SLC14A2: variants seen among roughly 807,000 people sequenced by gnomAD.
The protein encoded by SLC14A2 is urea transporter 2.
A neutral mutation model predicts 104.6 loss-of-function variants in SLC14A2; 91 were observed. That is an observed-to-expected ratio of 0.87 (90% confidence interval 0.73 to 1.04). The LOEUF (loss-of-function observed/expected upper bound fraction) is 1.04. Ranked by LOEUF, SLC14A2 falls within the 50% of genes least tolerant of loss-of-function variation. The pLI is 0.00. For missense variants in SLC14A2, 1,189 were observed against 1,156.0 expected (o/e 1.03, Z -0.41); for synonymous variants, 476 against 466.4 (o/e 1.02, Z -0.27).
At chr18:45,245,252 T>C (rs2084357485) in intron 1 of SLC14A2, among the ~76,000 whole-genome samples, 1 of 152,196 alleles carries the variant, frequency 6.6e-6, no homozygotes, top group Non-Finnish European at 1.5e-5. Flanking sequence ...AGCCCTTGAA[T>C]CATTTTATAA....
intron 1 of SLC14A2, among the ~76,000 whole-genome samples, chr18:45,391,720 T>C (rs1422792581): frequency 2.0e-5 from 3 of 152,242 alleles, no homozygotes; most frequent in Non-Finnish European, 2.9e-5. Flanking sequence ...TGTATAAATG[T>C]CTTCTTTTGA....
intron 19 of SLC14A2, 73 bp downstream of exon 19, chr18:45,679,097 G>A (rs1044216159): frequency 6.5e-6 from 9 of 1,394,246 alleles, no homozygotes; most frequent in Non-Finnish European, 7.1e-6. Context: ...CAAACCTGCT[G>A]AAAACCTCTC....
At chr18:45,413,994 T>C (rs1427119603) in intron 1 of SLC14A2, among the ~76,000 whole-genome samples, 1 of 152,114 alleles carries the variant, frequency 6.6e-6, no homozygotes, top group Non-Finnish European at 1.5e-5. Flanking sequence ...ATTTGAAGAA[T>C]GAGACCTGTG....
At chr18:45,342,079 G>A (rs1188705877) in intron 1 of SLC14A2, among the ~76,000 whole-genome samples, 3 of 152,016 alleles carry the variant, frequency 2.0e-5, no homozygotes, top group Non-Finnish European at 4.4e-5. Flanking sequence ...TGTATTGATT[G>A]GTTGATAAAA....
At chr18:45,210,512 G>C (rs912306680), upstream of SLC14A2, among the ~76,000 whole-genome samples, 1 of 152,186 alleles carries the variant, frequency 6.6e-6, no homozygotes, top group African/African-American at 2.4e-5. Flanking sequence ...CCAGGAGTTC[G>C]AGGCTGCAGT....
intron 1 of SLC14A2, among the ~76,000 whole-genome samples, chr18:45,392,888 CA>C (rs1169528031): frequency 6.6e-6 from 1 of 152,102 alleles, no homozygotes; most frequent in Non-Finnish European, 1.5e-5. Context: ...ATTCTTTCTA[CA>C]AAAAAATAAT....
chr18:45,192,315 G>T, the SLC14A2 span, among the ~76,000 whole-genome samples: 1 of 152,178 alleles, frequency 6.6e-6, no homozygotes, highest in East Asian at 1.9e-4. Context: ...AATTTGATAT[G>T]TTTTGACATA....
chr18:45,405,247 G>A (rs2086140908), intron 1 of SLC14A2, among the ~76,000 whole-genome samples: 1 of 152,178 alleles, frequency 6.6e-6, no homozygotes, highest in African/African-American at 2.4e-5. Flanking sequence ...CATCTTTGGA[G>A]TTCTGATATC....
In SLC14A2 at chr18:45,682,565, G is replaced by T. The variant is rs377315749; in HGVS notation, c.*46G>T. The T allele has an allele frequency of 6.6e-7, 1 of 1,518,078 alleles. No individual in the cohort carries two copies. The highest frequency in any genetic ancestry group is 1.7e-5 in the Admixed American group (1 of 59,908). The allele number at this position is 1,518,078 out of a possible 1,614,324, so 94.0% of individuals were successfully genotyped here. ...TCAGTGTAAATTCAGGCTTCAGCAC[G>T]CCGTCCAGATCCCCAGGATAAGAGA... On this transcript the variant is annotated 3_prime_UTR_variant, in exon 20 of 20. Coordinates refer to ENST00000255226, the MANE Select transcript of SLC14A2 (RefSeq NM_007163.4).
At chr18:45,564,523 A>G (rs2044241688) in intron 2 of SLC14A2, among the ~76,000 whole-genome samples, 1 of 152,134 alleles carries the variant, frequency 6.6e-6, no homozygotes, top group Admixed American at 6.5e-5. Context: ...AAAACTACAC[A>G]AACACCTCGC....
chr18:45,500,576 CAAAAAAAAAA>C (rs34543837), intron 2 of SLC14A2, among the ~76,000 whole-genome samples: 5 of 93,882 alleles, frequency 5.3e-5, no homozygotes, highest in South Asian at 3.7e-4. Context: ...GACTCCGTCT[CAAAAAAAAAA>C]AAAAAAAAAA....
chr18:45,209,121 G>C (rs571869525), upstream of SLC14A2, among the ~76,000 whole-genome samples: 2 of 149,190 alleles, frequency 1.3e-5, no homozygotes, highest in South Asian at 4.3e-4. Context: ...CGGATCATGA[G>C]GTCAGTAGAT....
intron 1 of SLC14A2, among the ~76,000 whole-genome samples, chr18:45,414,582 T>A (rs1402576247): frequency 2.0e-5 from 3 of 150,844 alleles, no homozygotes; most frequent in Non-Finnish European, 2.9e-5. Context: ...ATTCTGCACA[T>A]GTAATCCAGA....
At chr18:45,280,754 G>A (rs1005907333) in intron 1 of SLC14A2, among the ~76,000 whole-genome samples, 1 of 152,174 alleles carries the variant, frequency 6.6e-6, no homozygotes, top group African/African-American at 2.4e-5. Flanking sequence ...GTGCTGAGAA[G>A]TGATGTTTAT....
At chr18:45,246,000 T>G (rs955925364) in intron 1 of SLC14A2, among the ~76,000 whole-genome samples, 12 of 151,382 alleles carry the variant, frequency 7.9e-5, no homozygotes, top group Non-Finnish European at 1.8e-4. Context: ...AATGGGGTTA[T>G]GGACTGAATT....
At chr18:45,503,635 G>C (rs576628516) in intron 2 of SLC14A2, among the ~76,000 whole-genome samples, 1 of 152,090 alleles carries the variant, frequency 6.6e-6, no homozygotes, top group Non-Finnish European at 1.5e-5. Flanking sequence ...AAAGCTCCAC[G>C]TACTCTTTCT....
intron 1 of SLC14A2, among the ~76,000 whole-genome samples, chr18:45,372,127 C>A (rs141015011): frequency 6.6e-6 from 1 of 152,038 alleles, no homozygotes; most frequent in African/African-American, 2.4e-5. Context: ...ATCTGGCCAA[C>A]GTGGCAAAAC....
At chr18:45,547,000 C>T (rs955891974) in intron 2 of SLC14A2, among the ~76,000 whole-genome samples, 5 of 152,108 alleles carry the variant, frequency 3.3e-5, no homozygotes, top group African/African-American at 4.8e-5. Flanking sequence ...AGGGACTAAT[C>T]TATGGTCCCC....
chr18:45,591,378 C>G (rs187100980), intron 2 of SLC14A2, among the ~76,000 whole-genome samples: 23 of 152,288 alleles, frequency 1.5e-4, no homozygotes, highest in African/African-American at 5.5e-4. Context: ...CTCTGTTGCC[C>G]AGGCTGGAGT....
Sources: gnomAD v4.1 joint callset for allele counts (sites outside exome capture counted in the v4.1 genomes callset) on GRCh38, gnomAD v4.1.1 for gene constraint, MANE v1.5 for transcripts, NCBI Gene and HGNC (gene_info 2026-07-23, HGNC 2026-07-21) for gene names.